Variants in ALMS1 observed in about 807,000 individuals in gnomAD.
The protein encoded by ALMS1 is ALMS1 centrosome and basal body associated protein.
In ALMS1, 271 loss-of-function variants were observed where a neutral mutation model predicts 352.2. That is an observed-to-expected ratio of 0.77 (90% CI 0.70 to 0.85). ALMS1 has a LOEUF of 0.85. Ranked by LOEUF, ALMS1 falls within the 40% of genes least tolerant of loss-of-function variation. The pLI, the probability that ALMS1 is intolerant of heterozygous loss-of-function variation, is 0.00. For synonymous variants in ALMS1, 1,865 were observed against 1,761.2 expected, an observed-to-expected ratio of 1.06 and a Z score of -1.48; for missense variants, 5,445 against 4,870.7, an observed-to-expected ratio of 1.12 and a Z score of -3.51.
At position 73,485,179 on chromosome 2, in the gene ALMS1, C is replaced by T. The variant is rs547815322; in HGVS notation, c.7675-4455C>T. Among the ~76,000 whole-genome samples, 164 of 152,280 alleles carry T rather than the reference C, an allele frequency of 1.1e-3. 1 individual carries two copies. The highest frequency in any genetic ancestry group is 3.5e-3 in the African/African-American group (147 of 41,540). ...CTTTTTAGAGTTTCCAGTTTTTCTG[C>T]TCTGTTTTTTCCCCATCTTTGTGGT... On this transcript the variant is annotated intron_variant, in intron 9 of 22. Transcript: ENST00000613296.
At position 73,450,989 on chromosome 2, in the gene ALMS1, C is replaced by A; in HGVS notation, c.4462C>A (p.Gln1488Lys). Residue 1488 changes from glutamine to lysine, a missense_variant, in exon 8 of 23, where the codon CAG becomes AAG. Physicochemically the swap from Gln to Lys is moderately conservative, Grantham distance 53. Transcript: ENST00000613296. ...FGEKPIVIYKQAFPEGHLPEE... is the reference protein window; with the variant it reads ...FGEKPIVIYKKAFPEGHLPEE... ...AGAGAAGCCCATTGTTATCTACAAACAGGCCTTTCCAGAGGGTCATCTACC... is the reference window on the plus strand; with the variant it reads ...AGAGAAGCCCATTGTTATCTACAAAAAGGCCTTTCCAGAGGGTCATCTACC... The A allele has an allele frequency of 6.2e-7, 1 of 1,614,056 alleles. No individual in the cohort carries two copies. Among genetic ancestry groups the A allele is most frequent in the Non-Finnish European group, 8.5e-7 (1 of 1,179,970 alleles).
At chr2:73,465,275 G>A (rs1355541305) in intron 9 of ALMS1, among the ~76,000 whole-genome samples, 14 of 150,050 alleles carry the variant, frequency 9.3e-5, no homozygotes, top group South Asian at 6.4e-4. Context: ...GCATGGTACT[G>A]GTACCAAAAC....
At chr2:73,418,786 C>T (rs548832623) in intron 2 of ALMS1, among the ~76,000 whole-genome samples, 3 of 152,320 alleles carry the variant, frequency 2.0e-5, no homozygotes, top group Admixed American at 6.5e-5. Flanking sequence ...CCATAATATA[C>T]AAACTTCTAC....
At chr2:73,410,035 A>C (rs1671046350) in intron 2 of ALMS1, among the ~76,000 whole-genome samples, 3 of 152,306 alleles carry the variant, frequency 2.0e-5, no homozygotes, top group South Asian at 4.2e-4. Flanking sequence ...AGGCCTACCC[A>C]CATTGGAGAG....
intron 12 of ALMS1, among the ~76,000 whole-genome samples, chr2:73,541,090 C>T (rs1674167470): frequency 2.0e-5 from 3 of 152,246 alleles, no homozygotes; most frequent in South Asian, 4.1e-4. Flanking sequence ...TACCATACCA[C>T]ACCTATTCCA....
intron 9 of ALMS1, among the ~76,000 whole-genome samples, chr2:73,463,965 A>T (rs1672266824): frequency 6.6e-6 from 1 of 152,226 alleles, no homozygotes; most frequent in Admixed American, 6.5e-5. Flanking sequence ...TAGCTTACCA[A>T]CCAAAAAAAG....
At chr2:73,598,404 A>G (rs1675597226) in intron 16 of ALMS1, among the ~76,000 whole-genome samples, 2 of 152,130 alleles carry the variant, frequency 1.3e-5, no homozygotes, top group Non-Finnish European at 1.5e-5. Context: ...TAAATTTTAC[A>G]TGTCATCAGT....
chr2:73,421,956 T>G (rs1671292772), intron 3 of ALMS1, among the ~76,000 whole-genome samples: 1 of 152,122 alleles, frequency 6.6e-6, no homozygotes, highest in Admixed American at 6.6e-5. Context: ...CACAAGAATT[T>G]TTTTTTCATT....
At chr2:73,498,417 T>C (rs540788621) in intron 10 of ALMS1, among the ~76,000 whole-genome samples, 1 of 152,278 alleles carries the variant, frequency 6.6e-6, no homozygotes, top group African/African-American at 2.4e-5. Flanking sequence ...TTGCAAACAA[T>C]GCAATTACAC....
chr2:73,476,777 C>T (rs780391), intron 9 of ALMS1, among the ~76,000 whole-genome samples: 86,048 of 151,726 alleles, frequency 0.57, 25,722 homozygotes, highest in East Asian at 0.77. Context: ...GTTGTTGTTC[C>T]TGAGTTGTAA....
At chr2:73,406,357 CT>C (rs1181101056) in intron 1 of ALMS1, among the ~76,000 whole-genome samples, 2 of 150,528 alleles carry the variant, frequency 1.3e-5, no homozygotes, top group Non-Finnish European at 3.0e-5. Context: ...AATCTTTTTA[CT>C]TAGAGCCTGT....
At chr2:73,601,088 G>C in intron 18 of ALMS1, 107 bp from the exon 19 acceptor site, 5 of 1,564,502 alleles carry the variant, frequency 3.2e-6, no homozygotes, top group Non-Finnish European at 4.4e-6. Context: ...GCCTCTGACA[G>C]CTGAGACCCC....
chr2:73,574,378 C>T (rs985993019), intron 16 of ALMS1, among the ~76,000 whole-genome samples: 10 of 151,968 alleles, frequency 6.6e-5, no homozygotes, highest in Admixed American at 2.0e-4. Flanking sequence ...GAGTATGGAA[C>T]GAAAAATATT....
intron 15 of ALMS1, among the ~76,000 whole-genome samples, chr2:73,561,374 A>G (rs1573021604): frequency 6.6e-6 from 1 of 152,318 alleles, no homozygotes. Context: ...TCCAGAGCAC[A>G]TTACATAATA....
chr2:73,482,049 C>T (rs1219595160), intron 9 of ALMS1, among the ~76,000 whole-genome samples: 1 of 152,124 alleles, frequency 6.6e-6, no homozygotes, highest in Admixed American at 6.5e-5. Flanking sequence ...TTCCTCTTTT[C>T]CTAATTGAAT....
At chr2:73,528,264 C>A (rs1300228608) in intron 11 of ALMS1, among the ~76,000 whole-genome samples, 2 of 151,996 alleles carry the variant, frequency 1.3e-5, no homozygotes, top group Non-Finnish European at 2.9e-5. Context: ...TAGGTCCATT[C>A]AATGTATCTT....
chr2:73,443,921 T>C (rs934908424), intron 7 of ALMS1, among the ~76,000 whole-genome samples: 7 of 152,206 alleles, frequency 4.6e-5, no homozygotes, highest in Admixed American at 4.6e-4. Flanking sequence ...CTGGTTAACA[T>C]GAGGCTGTCT....
At chr2:73,419,630 T>C (rs1280209534) in intron 3 of ALMS1, among the ~76,000 whole-genome samples, 2 of 152,184 alleles carry the variant, frequency 1.3e-5, no homozygotes, top group Non-Finnish European at 2.9e-5. Context: ...TAGTATACTT[T>C]GGTTATCTCA....
chr2:73,504,752 T>G (rs1248477957), intron 10 of ALMS1, among the ~76,000 whole-genome samples: 1 of 152,178 alleles, frequency 6.6e-6, no homozygotes, highest in Non-Finnish European at 1.5e-5. Flanking sequence ...TTTTTATACT[T>G]TAAGTTTTGG....
Sources: gnomAD v4.1 joint callset for allele counts (sites outside exome capture counted in the v4.1 genomes callset) on GRCh38, gnomAD v4.1.1 for gene constraint, MANE v1.5 for transcripts, NCBI Gene and HGNC (gene_info 2026-07-23, HGNC 2026-07-21) for gene names.